CARS2: variants seen among roughly 807,000 people sequenced by gnomAD.
CARS2 encodes cysteinyl-tRNA synthetase 2, mitochondrial.
A neutral mutation model predicts 68.8 loss-of-function variants in CARS2; 52 were observed. The observed-to-expected ratio is 0.76, with a 90% CI of 0.61 to 0.95. The LOEUF (loss-of-function observed/expected upper bound fraction) is 0.95. CARS2 is among the 40% of genes least tolerant of loss of function. The pLI is 0.00. For missense variants in CARS2, 780 were observed against 754.2 expected (o/e 1.03, Z -0.40); for synonymous variants, 314 against 303.6 (o/e 1.03, Z -0.36).
intron 9 of CARS2, among the ~76,000 whole-genome samples, chr13:110,658,945 A>C (rs2062436927): frequency 6.6e-6 from 1 of 152,164 alleles, no homozygotes; most frequent in Non-Finnish European, 1.5e-5. Context: ...AAACAAAAAA[A>C]GAAAAACAGA....
chr13:110,650,812 G>C, intron 10 of CARS2: 1 of 500,912 alleles, frequency 2.0e-6, no homozygotes, highest in Admixed American at 4.0e-5. Context: ...GAGAGGACTC[G>C]AGCTTGACGA....
At chr13:110,700,835 A>C (rs2063763275) in intron 3 of CARS2, among the ~76,000 whole-genome samples, 2 of 152,360 alleles carry the variant, frequency 1.3e-5, no homozygotes, top group South Asian at 4.1e-4. Context: ...CCGAGGGGCC[A>C]GGGGAGGGAG....
At chr13:110,697,980 A>C in intron 3 of CARS2, 1 of 456,010 alleles carries the variant, frequency 2.2e-6, no homozygotes, top group Non-Finnish European at 4.4e-6. Context: ...AAGAGACAAG[A>C]GAAGAGCTCT....
At position 110,676,221 on chromosome 13, in the gene CARS2, C is replaced by T. The variant is rs1476197730; in HGVS notation, c.785+753G>A. On this transcript the variant is annotated intron_variant, in intron 7 of 14. Coordinates refer to ENST00000257347, the MANE Select transcript of CARS2 (RefSeq NM_024537.4). This position sits in a 1 kb window ranked among gnomAD's most constrained non-coding sequence, Gnocchi z 4.0. The stretch of plus-strand genomic sequence containing the variant: ...CCATGGGCAGCTGTGCAGCACGGGG[C>T]ACGGGCGGTATGCTGTCTTTCACAC... Among the ~76,000 whole-genome samples the T allele has an allele frequency of 2.0e-5, 3 of 152,208 alleles. No individual in the cohort carries two copies. Among genetic ancestry groups the T allele is most frequent in the Non-Finnish European group, 4.4e-5 (3 of 68,040 alleles).
chr13:110,713,237 A>C, exon 1 of CARS2: 2 of 1,397,956 alleles, frequency 1.4e-6, no homozygotes. Flanking sequence ...CCCTACTTAT[A>C]CTGCTCTGTG....
chr13:110,647,228 T>C lies in CARS2; in HGVS notation c.1066A>G (p.Ser356Gly), dbSNP rs1237760523. 1.2e-6 allele frequency: 2 copies of C among 1,612,756 alleles called. No individual in the cohort carries two copies. The highest frequency in any genetic ancestry group is 8.5e-7 in the Non-Finnish European group (1 of 1,179,490). ...TGAGCTTGGAGCATGGCGCTGTCACTGTAGTCGATGGCTGAGGAGGAAGAG... is the reference window on the plus strand; with the variant it reads ...TGAGCTTGGAGCATGGCGCTGTCACCGTAGTCGATGGCTGAGGAGGAAGAG... ...RSSYRSAIDY[S>G]DSAMLQAQQL... Residue 356 changes from serine to glycine, a missense_variant, in exon 11 of 15, where the codon AGT becomes GGT. Ser to Gly is a moderately conservative substitution (Grantham distance 56, BLOSUM62 0). Transcript: ENST00000257347.
chr13:110,682,892 C>G (rs2063198209), intron 6 of CARS2, among the ~76,000 whole-genome samples, 159 bp downstream of exon 6: 1 of 152,148 alleles, frequency 6.6e-6, no homozygotes. Flanking sequence ...CAAGCTGGAG[C>G]CATCCACAGA....
chr13:110,664,791 T>A (rs9583523), intron 8 of CARS2: 61,651 of 360,536 alleles, frequency 0.17, 5,710 homozygotes, highest in Admixed American at 0.3. Context: ...GCAGAGCCAG[T>A]GTGAATGGAA....
intron 1 of CARS2, chr13:110,712,660 G>A (rs567505037): frequency 1.4e-5 from 9 of 625,364 alleles, no homozygotes; most frequent in South Asian, 7.8e-5. Context: ...GCGGTCCGGG[G>A]AGCTGAATGG....
intron 3 of CARS2, 182 bp downstream of exon 3, chr13:110,701,256 G>C (rs2063776824): frequency 2.0e-6 from 1 of 497,850 alleles, no homozygotes; most frequent in Admixed American, 3.4e-5. Flanking sequence ...TACAGACAAG[G>C]TTTCACCATG....
chr13:110,663,358 G>C (rs1013127926), intron 9 of CARS2, 93 bp downstream of exon 9: 13 of 1,270,544 alleles, frequency 1.0e-5, no homozygotes, highest in Non-Finnish European at 1.3e-5. Context: ...CACTGGGAAT[G>C]GGATTCCGTG....
Position 110,712,625 on chromosome 13 carries a change from G to A in CARS2, n.399+512C>T, listed in dbSNP as rs963819614. On this transcript the variant is annotated intron_variant and non_coding_transcript_variant, in intron 1 of 2. Coordinates refer to the CARS2 transcript ENST00000485188. The stretch of plus-strand genomic sequence containing the variant: ...AGCCCAAAATCCGGGAGCTTTGGGA[G>A]GGTAGAGGGGCGACGCGGGGGAGGG... 6.7e-5 allele frequency: 35 copies of A among 519,416 alleles called. No homozygotes were observed. The Admixed American group carries it at 8.9e-4, about 13-fold the overall frequency. 32.2% of individuals were successfully genotyped at this position (519,416 alleles called of 1,614,324 possible). A position where few individuals can be genotyped will look rare whatever the true frequency, so the allele number is the denominator to read the frequency against.
upstream of CARS2, among the ~76,000 whole-genome samples, chr13:110,710,199 T>G (rs1197297896): frequency 6.6e-6 from 1 of 152,138 alleles, no homozygotes; most frequent in Non-Finnish European, 1.5e-5. Context: ...TGGGCCAACA[T>G]GACAAAACTC....
At position 110,665,677 on chromosome 13, in the gene CARS2, G is replaced by A. The variant is rs2062628715; in HGVS notation, c.919+1663C>T. ...ACCTGCAGACAGAAACGTGCCTGCG[G>A]AGGGAGCAACTCCAGCTCCTCAGAC... On this transcript the variant is annotated intron_variant, in intron 8 of 14. Transcript: ENST00000257347. The surrounding 1 kb of genome is among the most constrained non-coding windows in gnomAD (Gnocchi z 4.3). 2 of 985,322 alleles carry A rather than the reference G, an allele frequency of 2.0e-6. No homozygotes were observed. Among genetic ancestry groups the A allele is most frequent in the Non-Finnish European group, 1.2e-6 (1 of 829,960 alleles). The allele number at this position is 985,322 out of a possible 1,614,324, so 61.0% of individuals were successfully genotyped here. A position where few individuals can be genotyped will look rare whatever the true frequency, so the allele number is the denominator to read the frequency against.
rs1179712914 is a variant in CARS2 at position 110,706,100 on chromosome 13, G to T, written c.-7C>A. 3.1e-6 allele frequency: 4 copies of T among 1,305,094 alleles called. No homozygotes were observed. The highest frequency in any genetic ancestry group is 2.9e-6 in the Non-Finnish European group (3 of 1,030,678). The allele number at this position is 1,305,094 out of a possible 1,614,324, so 80.8% of individuals were successfully genotyped here. On this transcript the variant is annotated 5_prime_UTR_variant, in exon 1 of 15. Coordinates refer to ENST00000257347, the MANE Select transcript of CARS2 (RefSeq NM_024537.4). ...CGCGCGTAGTCCTCAACATGTCAGC[G>T]GCCAGCGCCTACGACTGGGCGGAGA...
chr13:110,677,742 C>G (rs545642386), intron 6 of CARS2, among the ~76,000 whole-genome samples: 18 of 130,836 alleles, frequency 1.4e-4, no homozygotes, highest in African/African-American at 4.8e-4. Context: ...GAAACCCAGA[C>G]AGTCACCCCC....
Position 110,647,128 on chromosome 13 carries a change from G to A in CARS2, c.1166C>T (p.Ser389Phe), listed in dbSNP as rs779076277. Residue 389 changes from serine (S) to phenylalanine (F), a missense_variant, in exon 11 of 15, where the codon TCC becomes TTC. Ser to Phe is a radical substitution (Grantham distance 155, BLOSUM62 -2). Transcript: ENST00000257347. Reference sequence around the variant, plus strand: ...CTCCCACAGCATCGCTTCCCTGACGGAGCCGCAGGCCAGCTGCCCCTTCAT... The same window carrying A: ...CTCCCACAGCATCGCTTCCCTGACGAAGCCGCAGGCCAGCTGCCCCTTCAT... Reference protein sequence around the residue: ...AYMKGQLACGSVREAMLWERL... With the variant: ...AYMKGQLACGFVREAMLWERL... 3.7e-6 allele frequency: 6 copies of A among 1,603,244 alleles called. No homozygotes were observed. In the South Asian group the frequency reaches 6.7e-5, roughly 18 times the overall value.
chr13:110,691,652 C>A (rs547115151), intron 3 of CARS2, among the ~76,000 whole-genome samples: 1 of 152,272 alleles, frequency 6.6e-6, no homozygotes, highest in East Asian at 1.9e-4. Flanking sequence ...CTACCTCCCA[C>A]CCCTACTGAT....
At chr13:110,662,689 C>T (rs1032359160) in intron 9 of CARS2, 2 of 161,558 alleles carry the variant, frequency 1.2e-5, no homozygotes, top group Non-Finnish European at 2.7e-5. Flanking sequence ...TTCAACTTTT[C>T]TATCGGTTTG....
Sources: gnomAD v4.1 joint callset for allele counts (sites outside exome capture counted in the v4.1 genomes callset) on GRCh38, gnomAD v4.1.1 for gene constraint, Gnocchi (gnomAD v3.1) non-coding constraint, MANE v1.5 for transcripts, NCBI Gene and HGNC (gene_info 2026-07-23, HGNC 2026-07-21) for gene names.